Variants in CSMD2 observed in about 807,000 individuals in gnomAD.
CSMD2 encodes CUB and Sushi multiple domains 2.
CSMD2 carries 130 observed loss-of-function variants against 398.5 expected under a neutral mutation model. That is an observed-to-expected ratio of 0.33 (90% CI 0.28 to 0.38). CSMD2 has a LOEUF of 0.38. CSMD2 is among the 10% of genes least tolerant of loss of function. The pLI, the probability that CSMD2 is intolerant of heterozygous loss-of-function variation, is 1.00. For synonymous variants in CSMD2, 1,828 were observed against 1,908.5 expected (o/e 0.96, Z 1.10); for missense variants, 3,829 against 4,764.9 (o/e 0.80, Z 5.78).
chr1:33,744,037 A>ATC (rs1248845345), intron 13 of CSMD2, among the ~76,000 whole-genome samples: 1 of 152,178 alleles, frequency 6.6e-6, no homozygotes, highest in Non-Finnish European at 1.5e-5. Context: ...AGTGGTTAAC[A>ATC]TCTCTCCTTT....
Position 33,519,291 on chromosome 1 carries a change from G to C in CSMD2, c.*53+174C>G, listed in dbSNP as rs1293301675. Among the ~76,000 whole-genome samples, 1 of 152,204 alleles carries C rather than the reference G, an allele frequency of 6.6e-6. No homozygotes were observed. The highest frequency in any genetic ancestry group is 1.5e-5 in the Non-Finnish European group (1 of 68,042). ...GGGCGTGCAGGGATTCAATATATTA[G>C]ATCCACAAAGGGCCTGGTTCAGTGC... On this transcript the variant is annotated intron_variant, in intron 70 of 70. Coordinates refer to ENST00000373381, the MANE Select transcript of CSMD2 (RefSeq NM_001281956.2). This position sits in a 1 kb window ranked among gnomAD's most constrained non-coding sequence, Gnocchi z 5.6.
chr1:33,739,441 TC>T, intron 14 of CSMD2, 107 bp from the exon 15 acceptor site: 1 of 1,068,952 alleles, frequency 9.4e-7, no homozygotes, highest in Non-Finnish European at 1.3e-6. Flanking sequence ...CTCCACCACC[TC>T]CCCAAGAACT....
At chr1:33,542,241 C>T (rs562766369) in intron 58 of CSMD2, among the ~76,000 whole-genome samples, 7 of 152,296 alleles carry the variant, frequency 4.6e-5, no homozygotes, top group South Asian at 4.1e-4. Context: ...GAGGCTACAC[C>T]GTGCTCAGGA....
chr1:33,647,827 G>T (rs374974497), intron 28 of CSMD2, among the ~76,000 whole-genome samples: 1 of 152,220 alleles, frequency 6.6e-6, no homozygotes, highest in East Asian at 1.9e-4. Context: ...CACGAAGGGA[G>T]GGGATGATAA....
rs1655872707 is a variant in CSMD2 at position 33,537,133 on chromosome 1, T to A, written c.9806-38A>T. The A allele has an allele frequency of 1.2e-6, 2 of 1,609,632 alleles. No individual in the cohort carries two copies. The highest frequency in any genetic ancestry group is 1.7e-6 in the Non-Finnish European group (2 of 1,176,088). ...AACAAAGACACAGATCACATGGTCATGGAAGCCTTCACGGCCTCATCTCAC... is the reference window on the plus strand; with the variant it reads ...AACAAAGACACAGATCACATGGTCAAGGAAGCCTTCACGGCCTCATCTCAC... On this transcript the variant is annotated intron_variant, in intron 61 of 70. Coordinates refer to ENST00000373381, the MANE Select transcript of CSMD2 (RefSeq NM_001281956.2). The surrounding 1 kb of genome is among the most constrained non-coding windows in gnomAD (Gnocchi z 4.6).
At chr1:33,800,713 T>G (rs1655492756) in intron 10 of CSMD2, among the ~76,000 whole-genome samples, 1 of 152,120 alleles carries the variant, frequency 6.6e-6, no homozygotes, top group African/African-American at 2.4e-5. Flanking sequence ...CGGGCAGGGT[T>G]TGTCTTCAGC....
At chr1:33,977,526 C>G (rs759070585) in intron 3 of CSMD2, among the ~76,000 whole-genome samples, 1 of 152,082 alleles carries the variant, frequency 6.6e-6, no homozygotes, top group Non-Finnish European at 1.5e-5. Context: ...CTCAGTGGTG[C>G]TCTGTTGCCT....
intron 2 of CSMD2, among the ~76,000 whole-genome samples, chr1:34,041,102 G>A (rs1012157220): frequency 6.6e-6 from 1 of 152,106 alleles, no homozygotes; most frequent in Non-Finnish European, 1.5e-5. Flanking sequence ...TCCAGCCTGG[G>A]TGACAGAATG....
chr1:33,737,046 T>C (rs770586325), intron 15 of CSMD2, among the ~76,000 whole-genome samples: 2 of 152,238 alleles, frequency 1.3e-5, no homozygotes, highest in Non-Finnish European at 2.9e-5. Context: ...GCATGGATGC[T>C]TTGTACGGTG....
intron 3 of CSMD2, among the ~76,000 whole-genome samples, chr1:34,022,938 C>T (rs1021504273): frequency 1.3e-5 from 2 of 152,114 alleles, no homozygotes; most frequent in Non-Finnish European, 2.9e-5. Flanking sequence ...CTCTAGTGAT[C>T]CTCCTGCCTG....
intron 7 of CSMD2, among the ~76,000 whole-genome samples, chr1:33,824,176 C>G (rs1658518027): frequency 1.3e-5 from 2 of 152,326 alleles, no homozygotes; most frequent in South Asian, 4.1e-4. Context: ...TTAAGTTTGC[C>G]TGTGGCTCCA....
At chr1:34,120,646 G>A (rs969381937) in intron 1 of CSMD2, among the ~76,000 whole-genome samples, 2 of 152,190 alleles carry the variant, frequency 1.3e-5, no homozygotes, top group Non-Finnish European at 2.9e-5. Flanking sequence ...CCAGGTTCAA[G>A]CGATTCTCCT....
At chr1:33,853,571 A>G (rs1163717424) in intron 5 of CSMD2, among the ~76,000 whole-genome samples, 1 of 152,136 alleles carries the variant, frequency 6.6e-6, no homozygotes, top group Non-Finnish European at 1.5e-5. Context: ...TGGCACTGAG[A>G]GACTTGGCAA....
In CSMD2 at chr1:33,644,116, C is replaced by T. The variant is rs537777850; in HGVS notation, c.4774+2532G>A. Among the ~76,000 whole-genome samples the T allele has an allele frequency of 2.6e-4, 39 of 152,224 alleles. No homozygotes were observed. In the South Asian group the frequency reaches 4.8e-3, roughly 19 times the overall value. On this transcript the variant is annotated intron_variant, in intron 29 of 70. Coordinates refer to ENST00000373381, the MANE Select transcript of CSMD2 (RefSeq NM_001281956.2). ...CAGTAATTGGCTGCTTGGCTGGCTC[C>T]GATGGCAGCTGGGGAGGTCTTATTC...
intron 51 of CSMD2, 104 bp from the exon 52 acceptor site, chr1:33,569,651 C>T: frequency 8.5e-7 from 1 of 1,178,520 alleles, no homozygotes. Flanking sequence ...TTTAACCTTA[C>T]TCTGCTGGAA....
chr1:33,914,508 C>T (rs1037203294), intron 5 of CSMD2, among the ~76,000 whole-genome samples: 8 of 151,970 alleles, frequency 5.3e-5, no homozygotes, highest in African/African-American at 1.7e-4. Flanking sequence ...TCAGTCCAAG[C>T]CCAGCTTTTG....
At chr1:34,056,991 A>T (rs1236780409) in intron 2 of CSMD2, among the ~76,000 whole-genome samples, 2 of 152,184 alleles carry the variant, frequency 1.3e-5, no homozygotes, top group Non-Finnish European at 2.9e-5. Flanking sequence ...GTATCAATAC[A>T]CTAACTCCCT....
intron 4 of CSMD2, 93 bp downstream of exon 4, chr1:33,935,667 A>G (rs1374586987): frequency 1.5e-6 from 2 of 1,318,788 alleles, no homozygotes; most frequent in Non-Finnish European, 2.1e-6. Context: ...GCTGGGGTGT[A>G]GCTTTGCCCT....
intron 3 of CSMD2, among the ~76,000 whole-genome samples, chr1:33,993,193 T>C (rs1167116480): frequency 6.6e-6 from 1 of 152,334 alleles, no homozygotes; most frequent in South Asian, 2.1e-4. Flanking sequence ...CATCAATCCA[T>C]GAACCCTATA....
Sources: allele counts gnomAD v4.1 joint callset (sites outside exome capture counted in the v4.1 genomes callset), GRCh38; gene constraint gnomAD v4.1.1; non-coding constraint Gnocchi (gnomAD v3.1); transcripts MANE v1.5; gene names NCBI Gene and HGNC (gene_info 2026-07-23, HGNC 2026-07-21).